Variants in PPP2R5C observed in about 807,000 individuals in gnomAD.
PPP2R5C encodes the protein serine/threonine-protein phosphatase 2A 56 kDa regulatory subunit gamma isoform.
A neutral mutation model predicts 68.9 loss-of-function variants in PPP2R5C; 7 were observed. That is an observed-to-expected ratio of 0.10 (90% CI 0.06 to 0.19). The LOEUF is 0.19. Ranked by LOEUF, PPP2R5C falls within the 10% of genes least tolerant of loss-of-function variation. The pLI, the probability that PPP2R5C is intolerant of heterozygous loss-of-function variation, is 1.00. For missense variants in PPP2R5C, 348 were observed against 641.3 expected (o/e 0.54, Z 4.94); for synonymous variants, 210 against 222.2 (o/e 0.95, Z 0.49).
intron 2 of PPP2R5C, among the ~76,000 whole-genome samples, chr14:101,878,951 G>A (rs1048367568): frequency 9.2e-5 from 14 of 152,218 alleles, no homozygotes; most frequent in Non-Finnish European, 1.9e-4. Flanking sequence ...CTTTAACCAC[G>A]ATGGGTGAAA....
intron 2 of PPP2R5C, among the ~76,000 whole-genome samples, chr14:101,770,624 A>G (rs558460371): frequency 3.9e-5 from 6 of 152,384 alleles, no homozygotes; most frequent in African/African-American, 1.2e-4. Flanking sequence ...AAGCCAATAG[A>G]TAAGATCAGC....
Position 101,764,003 on chromosome 14 carries a change from T to TTGTG in PPP2R5C, c.93+1056_93+1059dup, listed in dbSNP as rs3221573. On this transcript the variant is annotated intron_variant, in intron 2 of 14. Coordinates refer to the PPP2R5C transcript ENST00000328724. Reference sequence around the variant, plus strand: ...TTTTGGTATTTTATTATTGTTCACATTGTGTGTGTGTGTGTGTGTGTGTGT... The same window carrying TTGTG: ...TTTTGGTATTTTATTATTGTTCACATTGTGTGTGTGTGTGTGTGTGTGTGTGTGT... Among the ~76,000 whole-genome samples the TTGTG allele has an allele frequency of 2.4e-3, 327 of 137,254 alleles. 1 individual carries two copies. The highest frequency in any genetic ancestry group is 7.1e-3 in the Middle Eastern group (2 of 282). The allele number at this position is 137,254 out of a possible 152,430, so 90.0% of individuals were successfully genotyped here.
intron 1 of PPP2R5C, among the ~76,000 whole-genome samples, chr14:101,856,431 A>G (rs1388179578): frequency 6.6e-6 from 1 of 152,212 alleles, no homozygotes; most frequent in Non-Finnish European, 1.5e-5. Flanking sequence ...GTTTATTTCT[A>G]ACAGTGCTCT....
intron 1 of PPP2R5C, chr14:101,819,991 T>C (rs1462248714): frequency 6.6e-6 from 1 of 152,216 alleles, no homozygotes; most frequent in Non-Finnish European, 1.5e-5. Context: ...TGGAGTGTGA[T>C]GGCCGTCTCG....
At chr14:101,902,860 G>A (rs905977940) in intron 9 of PPP2R5C, among the ~76,000 whole-genome samples, 15 of 152,184 alleles carry the variant, frequency 9.9e-5, no homozygotes, top group South Asian at 4.1e-4. Flanking sequence ...TCTGGAGCAC[G>A]GGCAGCCATA....
At chr14:101,811,693 T>C (rs929814646) in intron 1 of PPP2R5C, among the ~76,000 whole-genome samples, 1 of 152,212 alleles carries the variant, frequency 6.6e-6, no homozygotes, top group Non-Finnish European at 1.5e-5. Context: ...ATTAACTGCA[T>C]ATAAAATGTA....
chr14:101,765,213 G>A (rs751855901), intron 2 of PPP2R5C: 9 of 702,658 alleles, frequency 1.3e-5, no homozygotes, highest in South Asian at 1.2e-4. Flanking sequence ...ACACTGAAAT[G>A]TTGGGCCCTT....
chr14:101,878,075 C>T (rs567892183), intron 2 of PPP2R5C, among the ~76,000 whole-genome samples: 2 of 152,218 alleles, frequency 1.3e-5, no homozygotes, highest in African/African-American at 2.4e-5. Flanking sequence ...GGCTTGCAGA[C>T]GGCCACTGTG....
At chr14:101,790,531 C>A (rs2038309890) in intron 3 of PPP2R5C, among the ~76,000 whole-genome samples, 1 of 152,180 alleles carries the variant, frequency 6.6e-6, no homozygotes, top group Admixed American at 6.5e-5. Flanking sequence ...TCTTTTACAC[C>A]TGCTGTAAGG....
chr14:101,898,672 C>G lies in PPP2R5C; in HGVS notation c.853-3047C>G, dbSNP rs535867017. Among the ~76,000 whole-genome samples the G allele has an allele frequency of 4.6e-5, 7 of 152,334 alleles. No individual in the cohort carries two copies. The South Asian group carries it at 1.0e-3, about 23-fold the overall frequency. ...CAAAGGAGGTGCAAACCCCACCAAC[C>G]TAGGCCCCGATGTTCCCACCCGGGG... is the stretch of plus-strand genomic sequence containing the variant. On this transcript the variant is annotated intron_variant, in intron 8 of 13. Transcript: ENST00000334743.
chr14:101,894,645 A>G, intron 8 of PPP2R5C, 85 bp downstream of exon 10: 1 of 1,314,796 alleles, frequency 7.6e-7, no homozygotes, highest in Non-Finnish European at 1.1e-6. Flanking sequence ...CCAAATTGCC[A>G]TTCATTCAGA....
intron 13 of PPP2R5C, among the ~76,000 whole-genome samples, chr14:101,924,358 T>A (rs1468019172): frequency 1.3e-5 from 2 of 151,838 alleles, no homozygotes; most frequent in East Asian, 1.9e-4. Flanking sequence ...GAGTATATAT[T>A]TTTTTCAATT....
chr14:101,807,619 A>C (rs1437603690), upstream of PPP2R5C, among the ~76,000 whole-genome samples: 1 of 152,162 alleles, frequency 6.6e-6, no homozygotes, highest in African/African-American at 2.4e-5. Flanking sequence ...CCTTACCTTT[A>C]TTCAAGTCTT....
At chr14:101,773,904 AG>A (rs1233355788) in intron 2 of PPP2R5C, among the ~76,000 whole-genome samples, 13 of 152,236 alleles carry the variant, frequency 8.5e-5, no homozygotes, top group African/African-American at 3.1e-4. Context: ...TGTGTCAGCC[AG>A]GCTAGTCTGA....
chr14:101,821,499 ATAAT>A (rs2040070898), intron 1 of PPP2R5C, among the ~76,000 whole-genome samples: 2 of 151,624 alleles, frequency 1.3e-5, no homozygotes, highest in South Asian at 4.2e-4. Context: ...ATCCACATAA[ATAAT>A]ATAAATATGT....
intron 6 of PPP2R5C, among the ~76,000 whole-genome samples, chr14:101,892,223 C>T (rs78964901): frequency 0.013 from 1,919 of 152,234 alleles, 45 homozygotes; most frequent in African/African-American, 0.043. Flanking sequence ...TCCCAGAATG[C>T]TGGGATTACA....
At chr14:101,885,768 C>T (rs2044465335) in intron 5 of PPP2R5C, among the ~76,000 whole-genome samples, 1 of 152,150 alleles carries the variant, frequency 6.6e-6, no homozygotes, top group African/African-American at 2.4e-5. Flanking sequence ...TTTTATGTTT[C>T]TTGGTATCAT....
intron 1 of PPP2R5C, chr14:101,824,849 T>C (rs1156502980): frequency 6.6e-6 from 1 of 152,526 alleles, no homozygotes; most frequent in African/African-American, 2.4e-5. Flanking sequence ...AAGCAGTGTG[T>C]TAGCTGAAGT....
intron 3 of PPP2R5C, among the ~76,000 whole-genome samples, chr14:101,801,761 G>T (rs2038870501): frequency 6.6e-6 from 1 of 152,218 alleles, no homozygotes; most frequent in African/African-American, 2.4e-5. Context: ...TGTCAGTACT[G>T]CCCAAAGCAA....
Sources: allele counts gnomAD v4.1 joint callset (sites outside exome capture counted in the v4.1 genomes callset), GRCh38; gene constraint gnomAD v4.1.1; transcripts MANE v1.5; gene names NCBI Gene and HGNC (gene_info 2026-07-23, HGNC 2026-07-21).